SMAP1: variants seen among roughly 807,000 people sequenced by gnomAD.
The protein encoded by SMAP1 is small ArfGAP 1, also known as stromal membrane-associated protein 1.
In SMAP1, 24 loss-of-function variants were observed where a neutral mutation model predicts 58.5. The ratio of observed to expected loss-of-function variants is 0.41; its 90% confidence interval spans 0.30 to 0.58. The LOEUF is 0.58. SMAP1 is among the 20% of genes least tolerant of loss of function. The pLI, the probability that SMAP1 is intolerant of heterozygous loss-of-function variation, is 0.29. For synonymous variants in SMAP1, 216 were observed against 196.6 expected, an observed-to-expected ratio of 1.10 and a Z score of -0.82; for missense variants, 563 against 566.3, an observed-to-expected ratio of 0.99 and a Z score of 0.06.
At chr6:70,689,505 G>A (rs1767069103) in intron 1 of SMAP1, among the ~76,000 whole-genome samples, 1 of 152,172 alleles carries the variant, frequency 6.6e-6, no homozygotes, top group South Asian at 2.1e-4. Context: ...GTAAGGTAGT[G>A]TAAGTCTTCC....
chr6:70,688,270 G>A (rs1373997332), intron 1 of SMAP1, among the ~76,000 whole-genome samples: 2 of 152,058 alleles, frequency 1.3e-5, no homozygotes, highest in Non-Finnish European at 2.9e-5. Context: ...TAACATTTTT[G>A]TATAGATTTT....
chr6:70,783,956 A>G (rs887653807), intron 4 of SMAP1, among the ~76,000 whole-genome samples: 4 of 152,250 alleles, frequency 2.6e-5, no homozygotes, highest in Admixed American at 2.6e-4. Flanking sequence ...AGAGAACGCC[A>G]CAAAGATACT....
rs186120338 is a variant in SMAP1, at chr6:70,783,315, C to G, written c.415-8374C>G. On this transcript the variant is annotated intron_variant, in intron 4 of 10. Coordinates refer to ENST00000370455, the MANE Select transcript of SMAP1 (RefSeq NM_001044305.3). ...AAACCCATCTGTACGTCACCATCAT[C>G]AAAGACCAAAAGTAGATGAAACCAC... Among the ~76,000 whole-genome samples the G allele has an allele frequency of 9.2e-5, 14 of 152,250 alleles. No individual in the cohort carries two copies. The East Asian group carries it at 2.7e-3, about 29-fold the overall frequency.
chr6:70,668,489 C>T, intron 1 of SMAP1: 1 of 1,459,404 alleles, frequency 6.9e-7, no homozygotes, highest in Non-Finnish European at 9.0e-7. Flanking sequence ...CTGGGCAGAG[C>T]TTAGGGTTAG....
chr6:70,821,037 G>A (rs1769866319), intron 6 of SMAP1, among the ~76,000 whole-genome samples: 1 of 152,034 alleles, frequency 6.6e-6, no homozygotes. Context: ...ATCACTCTAG[G>A]TAGCACTTGA....
At chr6:70,690,295 G>A (rs1767105007) in intron 1 of SMAP1, among the ~76,000 whole-genome samples, 1 of 151,972 alleles carries the variant, frequency 6.6e-6, no homozygotes, top group Admixed American at 6.6e-5. Flanking sequence ...TGATCATATA[G>A]TTTTTAAAAT....
intron 1 of SMAP1, among the ~76,000 whole-genome samples, chr6:70,675,445 G>A (rs1364036342): frequency 6.6e-6 from 1 of 151,560 alleles, no homozygotes; most frequent in Non-Finnish European, 1.5e-5. Context: ...GAGGTCAGGC[G>A]TTTGAGACCA....
At chr6:70,704,023 G>A (rs1767741199) in intron 1 of SMAP1, among the ~76,000 whole-genome samples, 1 of 152,144 alleles carries the variant, frequency 6.6e-6, no homozygotes, top group Non-Finnish European at 1.5e-5. Flanking sequence ...AGTCGATTGG[G>A]CAAATTTCAG....
intron 2 of SMAP1, among the ~76,000 whole-genome samples, chr6:70,738,657 G>A (rs916327486): frequency 6.6e-6 from 1 of 152,116 alleles, no homozygotes; most frequent in Admixed American, 6.5e-5. Flanking sequence ...GTTTTCATCA[G>A]TCTTCATAAG....
intron 1 of SMAP1, among the ~76,000 whole-genome samples, chr6:70,673,762 G>C (rs1489574692): frequency 6.6e-6 from 1 of 152,152 alleles, no homozygotes; most frequent in East Asian, 1.9e-4. Flanking sequence ...TGCTGATCTC[G>C]AGGTTTTTCC....
intron 10 of SMAP1, chr6:70,859,425 A>G: frequency 6.6e-7 from 1 of 1,523,794 alleles, no homozygotes; most frequent in Non-Finnish European, 8.9e-7. Context: ...AGGTATGAAG[A>G]CGTGATCTGC....
At chr6:70,788,524 T>A (rs1768186047) in intron 4 of SMAP1, among the ~76,000 whole-genome samples, 1 of 152,052 alleles carries the variant, frequency 6.6e-6, no homozygotes, top group African/African-American at 2.4e-5. Context: ...TACTCCAGAC[T>A]CTATAGAGAG....
chr6:70,767,383 G>T (rs1210250641), intron 3 of SMAP1, among the ~76,000 whole-genome samples: 4 of 152,280 alleles, frequency 2.6e-5, no homozygotes, highest in Middle Eastern at 3.4e-3. Flanking sequence ...CCATGAGCAT[G>T]GAATGTTCTT....
At chr6:70,763,310 G>A (rs1378975796) in intron 3 of SMAP1, among the ~76,000 whole-genome samples, 1 of 151,950 alleles carries the variant, frequency 6.6e-6, no homozygotes, top group Non-Finnish European at 1.5e-5. Context: ...TAATGCTACT[G>A]TTGTAATTGT....
At chr6:70,801,052 C>T (rs564272836) in intron 6 of SMAP1, among the ~76,000 whole-genome samples, 1 of 152,304 alleles carries the variant, frequency 6.6e-6, no homozygotes, top group South Asian at 2.1e-4. Flanking sequence ...ATGGCTGGGT[C>T]AAATGGTATT....
intron 3 of SMAP1, among the ~76,000 whole-genome samples, chr6:70,764,716 G>A (rs1473149252): frequency 6.6e-6 from 1 of 152,214 alleles, no homozygotes; most frequent in Admixed American, 6.5e-5. Context: ...GAGCTCTGAT[G>A]GAGATACACA....
At chr6:70,693,328 A>G (rs1253378364) in intron 1 of SMAP1, among the ~76,000 whole-genome samples, 8 of 129,702 alleles carry the variant, frequency 6.2e-5, no homozygotes, top group African/African-American at 1.5e-4. Context: ...TTTTTAAGAC[A>G]GAGTCTTGCT....
intron 4 of SMAP1, among the ~76,000 whole-genome samples, chr6:70,780,946 T>A (rs1393482648): frequency 1.3e-5 from 2 of 152,268 alleles, no homozygotes; most frequent in Non-Finnish European, 2.9e-5. Context: ...TGAAGTATAC[T>A]CTATTCTTAT....
intron 6 of SMAP1, among the ~76,000 whole-genome samples, chr6:70,813,478 A>G (rs561785071): frequency 6.6e-6 from 1 of 152,252 alleles, no homozygotes; most frequent in East Asian, 1.9e-4. Context: ...CCACTTACAT[A>G]CTGTGTAATA....
Sources: allele counts gnomAD v4.1 joint callset (sites outside exome capture counted in the v4.1 genomes callset), GRCh38; gene constraint gnomAD v4.1.1; transcripts MANE v1.5; gene names NCBI Gene and HGNC (gene_info 2026-07-23, HGNC 2026-07-21).